Variants in OTOF observed in about 807,000 individuals in gnomAD.
OTOF encodes otoferlin, also known as fer-1-like family member 2.
OTOF carries 218 observed loss-of-function variants against 236.8 expected under a neutral mutation model. The ratio of observed to expected loss-of-function variants is 0.92; its 90% confidence interval spans 0.82 to 1.03. The LOEUF (loss-of-function observed/expected upper bound fraction) is 1.03. Ranked by LOEUF, OTOF falls within the 50% of genes least tolerant of loss-of-function variation. The pLI, the probability that OTOF is intolerant of heterozygous loss-of-function variation, is 0.00. For missense variants in OTOF, 2,590 were observed against 2,694.4 expected (o/e 0.96, Z 0.86); for synonymous variants, 1,041 against 1,072.5 (o/e 0.97, Z 0.57).
chr2:26,482,687 G>C, intron 13 of OTOF, 95 bp from the exon 14 acceptor site: 1 of 1,001,676 alleles, frequency 1.0e-6, no homozygotes. Flanking sequence ...GCGTGAGTGG[G>C]CACATGTGTG....
Position 26,460,235 on chromosome 2 carries a change from G to A in OTOF, c.5814-30C>T. On this transcript the variant is annotated intron_variant, in intron 45 of 46. Transcript: ENST00000272371. The surrounding 1 kb of genome is among the most constrained non-coding windows in gnomAD (Gnocchi z 5.3). Reference sequence around the variant, plus strand: ...AGTATGAAGGGTAGAGAGCGCAGAGGAGGGACAGGGAGGAGAAGGGATTGG... The same window carrying A: ...AGTATGAAGGGTAGAGAGCGCAGAGAAGGGACAGGGAGGAGAAGGGATTGG... The A allele has an allele frequency of 6.4e-7, 1 of 1,553,846 alleles. No individual in the cohort carries two copies. Among genetic ancestry groups the A allele is most frequent in the Non-Finnish European group, 8.8e-7 (1 of 1,139,448 alleles).
rs1049827432 is a variant in OTOF, at chr2:26,516,526, A to T, written c.401T>A (p.Leu134Gln). 12 of 1,613,244 alleles carry T rather than the reference A, an allele frequency of 7.4e-6. No individual in the cohort carries two copies. In the Admixed American group the frequency reaches 2.0e-4, roughly 27 times the overall value. Residue 134 changes from leucine (L) to glutamine (Q), a missense_variant, in exon 5 of 47, where the codon CTG becomes CAG. Physicochemically the swap from Leu to Gln is moderately radical, Grantham distance 113 (BLOSUM62 -2). Around this residue, in one of 2 missense-constraint regions of OTOF, gnomAD observed 1,379 missense variants for 1,341.6 expected, o/e 1.03. Transcript: ENST00000272371. ...TVGSWDDGDF[L>Q]GDESLQEEEK... ...TTCCTCTTGAAGAGACTCATCTCCCAGGAAGTCCCCATCGTCCCAGGAGCC... is the reference window on the plus strand; with the variant it reads ...TTCCTCTTGAAGAGACTCATCTCCCTGGAAGTCCCCATCGTCCCAGGAGCC...
At chr2:26,496,325 C>T (rs1665983955) in intron 8 of OTOF, among the ~76,000 whole-genome samples, 3 of 151,720 alleles carry the variant, frequency 2.0e-5, no homozygotes, top group African/African-American at 7.3e-5. Context: ...GCCTCCACCT[C>T]CTGGGTTCAA....
Position 26,476,277 on chromosome 2 carries a change from A to G in OTOF, c.2717T>C (p.Val906Ala), listed in dbSNP as rs1345614718. 1.9e-6 allele frequency: 3 copies of G among 1,604,756 alleles called. No homozygotes were observed. Among genetic ancestry groups the G allele is most frequent in the Non-Finnish European group, 2.5e-6 (3 of 1,179,750 alleles). The change falls in exon 23 of 47, where the codon GTG (valine) becomes GCG (alanine). Residue 906 changes from valine to alanine, a missense_variant. Val to Ala is a moderately conservative substitution (Grantham distance 64, BLOSUM62 0). Coordinates refer to ENST00000272371, the MANE Select transcript of OTOF (RefSeq NM_194248.3). ...CAGGTACAGCTCCACCTTGGCCTGC[A>G]CTGTCCAGCCTGCCGAGCCGAAGCC... is the stretch of plus-strand genomic sequence containing the variant. ...KRGFGSAGWT[V>A]QAKVELYLWL... is the part of the protein sequence containing the mutation.
At chr2:26,525,624 C>T (rs1460778041) in intron 3 of OTOF, among the ~76,000 whole-genome samples, 2 of 152,074 alleles carry the variant, frequency 1.3e-5, no homozygotes, top group African/African-American at 2.4e-5. Flanking sequence ...CATTTGTTCA[C>T]TATATGTATG....
chr2:26,527,844 A>T lies in OTOF; in HGVS notation c.215T>A (p.Val72Asp). The T allele has an allele frequency of 6.2e-7, 1 of 1,612,918 alleles. No individual in the cohort carries two copies. The highest frequency in any genetic ancestry group is 1.1e-5 in the South Asian group (1 of 91,040). Residue 72 changes from valine to aspartate, a missense_variant, in exon 3 of 47, where the codon GTC becomes GAC. By Grantham distance (152) the Val-to-Asp change is radical. Transcript: ENST00000272371. Reference protein sequence around the residue: ...LEIQVFNYSKVFSNKLIGTFR... With the variant: ...LEIQVFNYSKDFSNKLIGTFR... ...ATCCCACACTTACTTGTTGCTGAAG[A>T]CTTTGCTGTAGTTGAAAACCTGAAT...
In OTOF at chr2:26,475,384, A is replaced by G. The variant is rs779785339; in HGVS notation, c.3101T>C (p.Ile1034Thr). 5.6e-6 allele frequency: 9 copies of G among 1,613,030 alleles called. No homozygotes were observed. The highest frequency in any genetic ancestry group is 1.6e-4 in the Middle Eastern group (1 of 6,084). ...ELRDDPPIIVIEIYDQDSMGK... is the reference protein window; with the variant it reads ...ELRDDPPIIVTEIYDQDSMGK... ...CATGGAATCCTGGTCATAGATTTCA[A>G]TGACAATGATGGGCGGATCGTCCCT... Residue 1034 changes from isoleucine to threonine, a missense_variant, in exon 25 of 47, where the codon ATT becomes ACT. Ile to Thr is a moderately conservative substitution (Grantham distance 89). Coordinates refer to ENST00000272371, the MANE Select transcript of OTOF (RefSeq NM_194248.3).
Position 26,473,268 on chromosome 2 carries a change from G to A in OTOF, c.3597C>T (p.His1199=). The part of the protein sequence containing the change: ...EVDLPENELL[H]PPLNIRVVDC... Reference sequence around the variant, plus strand: ...CCACCACACGGATGTTCAAGGGCGGGTGCAGCAGCTCGTTCTCTGGGAGGT... The same window carrying A: ...CCACCACACGGATGTTCAAGGGCGGATGCAGCAGCTCGTTCTCTGGGAGGT... The change falls in exon 29 of 47, where the codon CAC becomes CAT. Residue 1199 remains histidine, a synonymous_variant. Coordinates refer to ENST00000272371, the MANE Select transcript of OTOF (RefSeq NM_194248.3). This position sits in a 1 kb window ranked among gnomAD's most constrained non-coding sequence, Gnocchi z 7.2. The A allele has an allele frequency of 6.2e-7, 1 of 1,613,430 alleles. No homozygotes were observed. Among genetic ancestry groups the A allele is most frequent in the Non-Finnish European group, 8.5e-7 (1 of 1,179,904 alleles).
At chr2:26,463,733 A>C (rs1664593774) in intron 40 of OTOF, among the ~76,000 whole-genome samples, 162 bp from the exon 41 acceptor site, 1 of 152,220 alleles carries the variant, frequency 6.6e-6, no homozygotes, top group South Asian at 2.1e-4. Context: ...AGCCAATCAC[A>C]GCTTCTGAGG....
At position 26,465,660 on chromosome 2, in the gene OTOF, T is replaced by C. The variant is rs758452423; in HGVS notation, c.4799+12A>G. The C allele has an allele frequency of 1.1e-5, 17 of 1,613,888 alleles. No individual in the cohort carries two copies. The African/African-American group carries it at 1.6e-4, about 15-fold the overall frequency. ...CACACTGCCCCCGCCCTCTGCCCCATGCCCCACATACGTGGAGTAGGTCTG... is the reference window on the plus strand; with the variant it reads ...CACACTGCCCCCGCCCTCTGCCCCACGCCCCACATACGTGGAGTAGGTCTG... On this transcript the variant is annotated intron_variant, in intron 38 of 46. Transcript: ENST00000272371.
In OTOF at chr2:26,470,576, C is replaced by A; in HGVS notation, c.4023+17G>T. The A allele has an allele frequency of 1.2e-6, 2 of 1,613,956 alleles. No individual in the cohort carries two copies. The highest frequency in any genetic ancestry group is 1.7e-6 in the Non-Finnish European group (2 of 1,179,900). On this transcript the variant is annotated intron_variant, in intron 32 of 46. Coordinates refer to ENST00000272371, the MANE Select transcript of OTOF (RefSeq NM_194248.3). The surrounding 1 kb of genome is among the most constrained non-coding windows in gnomAD (Gnocchi z 4.3). ...TGTGGAGGGGGTCACCTCCCCTCAC[C>A]CTACCCGAGGTCTCACCTCCTTCAT...
intron 10 of OTOF, 68 bp from the exon 11 acceptor site, chr2:26,489,363 G>T: frequency 8.0e-7 from 1 of 1,249,376 alleles, no homozygotes. Context: ...GGGCAGTGGT[G>T]GGACCCGAGC....
chr2:26,487,040 C>T (rs769505339), intron 11 of OTOF, among the ~76,000 whole-genome samples: 1 of 152,148 alleles, frequency 6.6e-6, no homozygotes, highest in Non-Finnish European at 1.5e-5. Flanking sequence ...CCGTCCTCAC[C>T]CCCAACAGAG....
chr2:26,470,681 G>A lies in OTOF; in HGVS notation c.3935C>T (p.Thr1312Ile), dbSNP rs749637488. ...EKEKKKKKKGTAEEPEEEEPD... is the reference protein window; with the variant it reads ...EKEKKKKKKGIAEEPEEEEPD... ...CTCCTCCTCCTCTGGCTCCTCCGCA[G>A]TGCCCTTCTTCTTCTTCTTCTTCTC... The change falls in exon 32 of 47, where the codon ACT becomes ATT. Residue 1312 changes from threonine to isoleucine, a missense_variant. Thr to Ile is a moderately conservative substitution (Grantham distance 89, BLOSUM62 -1). This residue lies in a region of OTOF where 1,211 missense variants were observed against 1,352.8 expected (regional missense o/e 0.90). Coordinates refer to ENST00000272371, the MANE Select transcript of OTOF (RefSeq NM_194248.3). The surrounding 1 kb of genome is among the most constrained non-coding windows in gnomAD (Gnocchi z 4.3). The A allele has an allele frequency of 1.2e-6, 2 of 1,613,568 alleles. No individual in the cohort carries two copies. The highest frequency in any genetic ancestry group is 1.7e-5 in the Admixed American group (1 of 60,018).
At chr2:26,483,719 A>G (rs1665627610) in intron 12 of OTOF, 71 bp from the exon 13 acceptor site, 4 of 1,379,648 alleles carry the variant, frequency 2.9e-6, no homozygotes, top group Non-Finnish European at 4.1e-6. Context: ...GCATCTACAC[A>G]CTCCTGGGTC....
intron 8 of OTOF, among the ~76,000 whole-genome samples, chr2:26,496,301 C>T (rs1427292941): frequency 6.7e-6 from 1 of 149,220 alleles, no homozygotes; most frequent in Non-Finnish European, 1.5e-5. Context: ...GTGGCATGAT[C>T]TCAGCTCACT....
chr2:26,474,789 A>G, intron 25 of OTOF, 115 bp from the exon 26 acceptor site: 2 of 1,176,090 alleles, frequency 1.7e-6, no homozygotes, highest in Non-Finnish European at 1.3e-6. Context: ...TGATCACCCC[A>G]TTTTACAGAT....
At chr2:26,547,585 C>T (rs1045940825) in intron 1 of OTOF, among the ~76,000 whole-genome samples, 2 of 152,174 alleles carry the variant, frequency 1.3e-5, no homozygotes, top group Non-Finnish European at 2.9e-5. Context: ...CCTGTAATCC[C>T]AGCACTTTGA....
In OTOF at chr2:26,461,940, G is replaced by A. The variant is rs985335854; in HGVS notation, c.5292-3C>T. On this transcript the variant is annotated splice_polypyrimidine_tract_variant and splice_region_variant and intron_variant, in intron 42 of 46. Coordinates refer to ENST00000272371, the MANE Select transcript of OTOF (RefSeq NM_194248.3). This position sits in a 1 kb window ranked among gnomAD's most constrained non-coding sequence, Gnocchi z 6.2. ...CCTCCTGCTGGCCCTTCAGCCACCTGTGGGCGCCACATCTCCAGACCCGCA... is the reference window on the plus strand; with the variant it reads ...CCTCCTGCTGGCCCTTCAGCCACCTATGGGCGCCACATCTCCAGACCCGCA... 19 of 1,613,908 alleles carry A rather than the reference G, an allele frequency of 1.2e-5. No individual in the cohort carries two copies. Among genetic ancestry groups the A allele is most frequent in the Non-Finnish European group, 1.3e-5 (15 of 1,180,006 alleles).
Sources: allele counts gnomAD v4.1 joint callset (sites outside exome capture counted in the v4.1 genomes callset), GRCh38; gene constraint gnomAD v4.1.1; regional missense constraint gnomAD v4.1.1; non-coding constraint Gnocchi (gnomAD v3.1); transcripts MANE v1.5; gene names NCBI Gene and HGNC (gene_info 2026-07-23, HGNC 2026-07-21).